The following ADRA1B variants were observed in gnomAD, a reference collection of about 807,000 sequenced individuals.
The protein encoded by ADRA1B is adrenoceptor alpha 1B.
A neutral mutation model predicts 17.9 loss-of-function variants in ADRA1B; 17 were observed. The ratio of observed to expected loss-of-function variants is 0.95; its 90% CI spans 0.65 to 1.42. The LOEUF (loss-of-function observed/expected upper bound fraction) is 1.42. Ranked by LOEUF, ADRA1B falls within the 40% of genes most tolerant of loss-of-function variation. The pLI, the probability that ADRA1B is intolerant of heterozygous loss-of-function variation, is 0.00. For missense variants in ADRA1B, 681 were observed against 722.1 expected (o/e 0.94, Z 0.65); for synonymous variants, 366 against 327.6 (o/e 1.12, Z -1.27).
intron 1 of ADRA1B, among the ~76,000 whole-genome samples, chr5:159,889,977 C>A (rs1753964439): frequency 2.0e-5 from 3 of 152,158 alleles, no homozygotes; most frequent in Non-Finnish European, 4.4e-5. Flanking sequence ...TGAACAATGG[C>A]AGATAAATAG....
At chr5:159,944,926 G>T (rs1177016042) in intron 1 of ADRA1B, among the ~76,000 whole-genome samples, 1 of 152,120 alleles carries the variant, frequency 6.6e-6, no homozygotes, top group Middle Eastern at 3.2e-3. Flanking sequence ...GGTGGGCATG[G>T]ACAAATCGTA....
chr5:159,981,178 C>G, the ADRA1B span, among the ~76,000 whole-genome samples: 1 of 152,118 alleles, frequency 6.6e-6, no homozygotes, highest in East Asian at 1.9e-4. Context: ...AGACATAGAT[C>G]AAGATTTCTG....
chr5:159,931,298 T>C (rs1754795779), intron 1 of ADRA1B, among the ~76,000 whole-genome samples: 1 of 148,370 alleles, frequency 6.7e-6, no homozygotes, highest in South Asian at 2.1e-4. Context: ...GGAGGCTGAG[T>C]GGGGAGGATC....
intron 1 of ADRA1B, chr5:159,869,144 G>A (rs1753704143): frequency 6.6e-6 from 1 of 152,170 alleles, no homozygotes; most frequent in Non-Finnish European, 1.5e-5. Context: ...TTACCACTAT[G>A]AAAGCATTTC....
intron 1 of ADRA1B, among the ~76,000 whole-genome samples, chr5:159,939,335 G>GCGCGCGCGCA (rs1369737666): frequency 3.4e-5 from 4 of 116,498 alleles, no homozygotes; most frequent in Admixed American, 1.6e-4. Context: ...GCGCGCGCGC[G>GCGCGCGCGCA]CACACAATGC....
intron 1 of ADRA1B, among the ~76,000 whole-genome samples, chr5:159,923,787 T>A (rs1754560954): frequency 6.6e-6 from 1 of 152,274 alleles, no homozygotes; most frequent in Non-Finnish European, 1.5e-5. Context: ...ACCTCTTGCA[T>A]CAGATTCTCT....
intron 1 of ADRA1B, among the ~76,000 whole-genome samples, chr5:159,925,743 T>G (rs1754629047): frequency 6.6e-6 from 1 of 152,242 alleles, no homozygotes; most frequent in Non-Finnish European, 1.5e-5. Flanking sequence ...AAAATCTGTC[T>G]TAACTCAACT....
At chr5:159,888,960 C>A (rs1176257438) in intron 1 of ADRA1B, among the ~76,000 whole-genome samples, 1 of 152,196 alleles carries the variant, frequency 6.6e-6, no homozygotes, top group Non-Finnish European at 1.5e-5. Flanking sequence ...CAAAAACATC[C>A]CACATCCCAA....
chr5:159,976,987 A>G (rs1313996475), downstream of ADRA1B, among the ~76,000 whole-genome samples: 1 of 152,222 alleles, frequency 6.6e-6, no homozygotes. Flanking sequence ...GGGATGAATA[A>G]TAAATGAGAC....
In ADRA1B at chr5:159,971,980, T is replaced by C. The variant is rs777674763; in HGVS notation, c.1051T>C (p.Ser351Pro). Residue 351 changes from serine (S) to proline (P), a missense_variant, in exon 2 of 2, where the codon TCC becomes CCC. Ser to Pro is a moderately conservative substitution (Grantham distance 74, BLOSUM62 -1). Transcript: ENST00000306675. ...SCLNPIIYPC[S>P]SKEFKRAFVR... Reference sequence around the variant, plus strand: ...CCTCAACCCCATCATCTACCCATGCTCCAGCAAGGAGTTCAAGCGCGCTTT... The same window carrying C: ...CCTCAACCCCATCATCTACCCATGCCCCAGCAAGGAGTTCAAGCGCGCTTT... The C allele has an allele frequency of 1.4e-6, 2 of 1,456,510 alleles. No individual in the cohort carries two copies. The highest frequency in any genetic ancestry group is 1.8e-6 in the Non-Finnish European group (2 of 1,095,162). 90.2% of individuals were successfully genotyped at this position (1,456,510 alleles called of 1,614,324 possible).
intron 1 of ADRA1B, among the ~76,000 whole-genome samples, chr5:159,939,501 C>A (rs1270298632): frequency 6.6e-6 from 1 of 152,046 alleles, no homozygotes; most frequent in Non-Finnish European, 1.5e-5. Context: ...AGACTCTTCA[C>A]AATTGGAATC....
chr5:159,936,204 A>G (rs1354808158), intron 1 of ADRA1B, among the ~76,000 whole-genome samples: 1 of 152,214 alleles, frequency 6.6e-6, no homozygotes, highest in Non-Finnish European at 1.5e-5. Flanking sequence ...GCTGCCAAAC[A>G]TCCTACAATG....
chr5:159,957,397 CTG>C lies in ADRA1B; in HGVS notation c.950-14480_950-14479del, dbSNP rs1755574301. On this transcript the variant is annotated intron_variant, in intron 1 of 1. Transcript: ENST00000306675. ...TGTGCGCACCTTTAGTTCAGCAACT[CTG>C]TAAGCTGAGGTGGGAGGATCACTTG... Among the ~76,000 whole-genome samples the C allele has an allele frequency of 4.0e-5, 6 of 150,270 alleles. No homozygotes were observed. In the South Asian group the frequency reaches 1.3e-3, roughly 32 times the overall value.
In ADRA1B at chr5:159,917,806, G is replaced by A. The variant is rs774367999; in HGVS notation, c.901G>A (p.Gly301Ser). The change falls in exon 1 of 2, where the codon GGT becomes AGT. Residue 301 changes from glycine (G) to serine (S), a missense_variant. Physicochemically the swap from Gly to Ser is moderately conservative, Grantham distance 56. Transcript: ENST00000306675. ...KAAKTLGIVVGMFILCWLPFF... is the reference protein window; with the variant it reads ...KAAKTLGIVVSMFILCWLPFF... Reference sequence around the variant, plus strand: ...AGCTAAGACGTTGGGCATTGTGGTCGGTATGTTCATCTTGTGCTGGCTACC... The same window carrying A: ...AGCTAAGACGTTGGGCATTGTGGTCAGTATGTTCATCTTGTGCTGGCTACC... 18 of 1,613,002 alleles carry A rather than the reference G, an allele frequency of 1.1e-5. No individual in the cohort carries two copies. Among genetic ancestry groups the A allele is most frequent in the Admixed American group, 1.0e-4 (6 of 59,950 alleles).
intron 1 of ADRA1B, among the ~76,000 whole-genome samples, chr5:159,951,914 G>T (rs752382027): frequency 3.4e-4 from 51 of 152,150 alleles, no homozygotes; most frequent in Non-Finnish European, 6.0e-4. Flanking sequence ...GGAAGGATTT[G>T]TGAGTTAGGC....
chr5:159,965,802 T>C (rs1307948188), intron 1 of ADRA1B, among the ~76,000 whole-genome samples: 2 of 152,210 alleles, frequency 1.3e-5, no homozygotes, highest in African/African-American at 2.4e-5. Context: ...GGCAAGGCTT[T>C]GGTCTCTGAC....
chr5:159,966,070 A>T lies in ADRA1B; in HGVS notation c.950-5809A>T, dbSNP rs953716909. Among the ~76,000 whole-genome samples, 11 of 152,210 alleles carry T rather than the reference A, an allele frequency of 7.2e-5. No individual in the cohort carries two copies. In the East Asian group the frequency reaches 7.7e-4, roughly 11 times the overall value. On this transcript the variant is annotated intron_variant, in intron 1 of 1. Coordinates refer to ENST00000306675, the MANE Select transcript of ADRA1B (RefSeq NM_000679.4). ...ATTACAGGTGTGAGCCACCATACCC[A>T]GCCAGAACTCTGAATTTTAAGGCTG...
At chr5:159,988,850 T>C in the ADRA1B span, among the ~76,000 whole-genome samples, 2 of 152,206 alleles carry the variant, frequency 1.3e-5, no homozygotes, top group African/African-American at 4.8e-5. Flanking sequence ...TTTGGTGATA[T>C]GCACCTATAT....
intron 1 of ADRA1B, among the ~76,000 whole-genome samples, chr5:159,921,216 C>A (rs891270194): frequency 1.3e-5 from 2 of 152,206 alleles, no homozygotes; most frequent in Non-Finnish European, 2.9e-5. Context: ...TCCTCCCCAC[C>A]CTTTCCCTGT....
Sources: gnomAD v4.1 joint callset for allele counts (sites outside exome capture counted in the v4.1 genomes callset) on GRCh38, gnomAD v4.1.1 for gene constraint, MANE v1.5 for transcripts, NCBI Gene and HGNC (gene_info 2026-07-23, HGNC 2026-07-21) for gene names.